Variants in RBFOX1 observed in about 807,000 individuals in gnomAD.
The protein encoded by RBFOX1 is RNA binding fox-1 homolog 1, also known as RNA binding protein fox-1 homolog 1.
Under a neutral mutation model 57.7 loss-of-function variants are expected in RBFOX1, and 8 were observed. That is an observed-to-expected ratio of 0.14 (90% CI 0.08 to 0.25). The LOEUF (loss-of-function observed/expected upper bound fraction) is 0.25. Ranked by LOEUF, RBFOX1 falls within the 10% of genes least tolerant of loss-of-function variation. The pLI, the probability that RBFOX1 is intolerant of heterozygous loss-of-function variation, is 1.00. For missense variants in RBFOX1, 611 were observed against 548.5 expected (o/e 1.11, Z -1.14); for synonymous variants, 326 against 222.4 (o/e 1.47, Z -4.15).
chr16:5,643,226 G>A (rs2048938974), intron 3 of RBFOX1, among the ~76,000 whole-genome samples: 1 of 152,208 alleles, frequency 6.6e-6, no homozygotes, highest in African/African-American at 2.4e-5. Flanking sequence ...TGGCACATGG[G>A]CAGGTGAGCC....
rs1015878590 is a variant in RBFOX1 at position 6,097,504 on chromosome 16, A to C, written c.-127+77512A>C. 3.3e-5 allele frequency among the ~76,000 whole-genome samples: 5 copies of C among 152,166 alleles called. No homozygotes were observed. The highest frequency in any genetic ancestry group is 5.9e-5 in the Non-Finnish European group (4 of 68,032). On this transcript the variant is annotated intron_variant, in intron 1 of 15. Transcript: ENST00000550418. The surrounding 1 kb of genome is among the most constrained non-coding windows in gnomAD (Gnocchi z 5.0). ...AGAATCTCTGGTGGCAGGAACCAGC[A>C]ATCTGTGCTTTCAACAAGCTCTCTG...
chr16:6,947,443 C>T (rs755605491), intron 3 of RBFOX1, among the ~76,000 whole-genome samples: 4 of 152,164 alleles, frequency 2.6e-5, no homozygotes, highest in Non-Finnish European at 4.4e-5. Flanking sequence ...CTTCAACTGG[C>T]CGTATTTCAT....
chr16:6,822,300 T>G (rs1028685196), intron 3 of RBFOX1, among the ~76,000 whole-genome samples: 47 of 152,182 alleles, frequency 3.1e-4, no homozygotes, highest in African/African-American at 1.1e-3. Context: ...ACCATTATTC[T>G]TTGTTGGACA....
At chr16:6,969,998 G>T (rs1054783426) in intron 3 of RBFOX1, among the ~76,000 whole-genome samples, 11 of 151,970 alleles carry the variant, frequency 7.2e-5, no homozygotes, top group African/African-American at 2.7e-4. Flanking sequence ...TACAAGCCTG[G>T]GCAGCATAGC....
At chr16:7,694,483 T>C (rs182606812) in intron 14 of RBFOX1, among the ~76,000 whole-genome samples, 1 of 152,346 alleles carries the variant, frequency 6.6e-6, no homozygotes, top group East Asian at 1.9e-4. Context: ...AGCCTCAACC[T>C]TCATAACGGG....
chr16:7,449,058 T>A (rs548349339), intron 4 of RBFOX1, among the ~76,000 whole-genome samples: 32 of 148,292 alleles, frequency 2.2e-4, no homozygotes, highest in Non-Finnish European at 4.0e-4. Flanking sequence ...GTCTCCGGAG[T>A]AGCTGGGATT....
chr16:7,013,313 A>T lies in RBFOX1; in HGVS notation c.-15-38744A>T, dbSNP rs145281487. ...GTAAGGTATGCTAGGAGCTTAACTC[A>T]GTGTTCTGCTCATGTTATACGTGCA... is the stretch of plus-strand genomic sequence containing the variant. On this transcript the variant is annotated intron_variant, in intron 3 of 15. Transcript: ENST00000550418. 2.4e-3 allele frequency among the ~76,000 whole-genome samples: 368 copies of T among 152,292 alleles called. 2 individuals carry two copies. The highest frequency in any genetic ancestry group is 8.6e-3 in the African/African-American group (359 of 41,574).
intron 3 of RBFOX1, among the ~76,000 whole-genome samples, chr16:6,999,462 T>G (rs2092597310): frequency 6.6e-6 from 1 of 151,516 alleles, no homozygotes; most frequent in Non-Finnish European, 1.5e-5. Context: ...TGAGACGGAG[T>G]CTTGCTCTGT....
At position 6,635,083 on chromosome 16, in the gene RBFOX1, A is replaced by G. The variant is rs1489942452; in HGVS notation, c.-63-19520A>G. Among the ~76,000 whole-genome samples, 25 of 51,554 alleles carry G rather than the reference A, an allele frequency of 4.8e-4. No homozygotes were observed. In the East Asian group the frequency reaches 0.026, roughly 53 times the overall value. The allele number at this position is 51,554 out of a possible 152,430, so 33.8% of individuals were successfully genotyped here. ...ATATATGTTATATATTTTAATTTAT[A>G]TATCATATATATTATATATAAAGTA... On this transcript the variant is annotated intron_variant, in intron 2 of 15. Coordinates refer to ENST00000550418, the MANE Select transcript of RBFOX1 (RefSeq NM_018723.4).
intron 2 of RBFOX1, among the ~76,000 whole-genome samples, chr16:6,566,644 C>G (rs760264255): frequency 6.6e-6 from 1 of 152,060 alleles, no homozygotes; most frequent in Non-Finnish European, 1.5e-5. Context: ...CATTTTGACC[C>G]CTTTACGCAC....
At chr16:6,020,043 C>A in intron 1 of RBFOX1, 51 bp downstream of exon 1, 1 of 1,427,792 alleles carries the variant, frequency 7.0e-7, no homozygotes, top group South Asian at 1.4e-5. Flanking sequence ...CCTGGTGGGT[C>A]AGGTCCAGAA....
At chr16:7,247,018 G>T (rs2094329243) in intron 4 of RBFOX1, among the ~76,000 whole-genome samples, 2 of 152,052 alleles carry the variant, frequency 1.3e-5, no homozygotes, top group African/African-American at 4.8e-5. Flanking sequence ...AATCTAATTG[G>T]CAGGTAACAG....
chr16:6,884,167 G>T (rs1282131938), intron 3 of RBFOX1, among the ~76,000 whole-genome samples: 1 of 152,182 alleles, frequency 6.6e-6, no homozygotes, highest in African/African-American at 2.4e-5. Flanking sequence ...AGCTGCTTCC[G>T]AGGCCCCTTC....
At chr16:7,185,851 C>A (rs952486105) in intron 4 of RBFOX1, among the ~76,000 whole-genome samples, 2 of 152,132 alleles carry the variant, frequency 1.3e-5, no homozygotes, top group African/African-American at 4.8e-5. Flanking sequence ...ATTTGGATTC[C>A]ATGGCATTTT....
intron 1 of RBFOX1, among the ~76,000 whole-genome samples, chr16:6,244,622 G>A (rs1029473286): frequency 6.6e-6 from 1 of 152,166 alleles, no homozygotes; most frequent in Non-Finnish European, 1.5e-5. Context: ...CAATTCTCCT[G>A]CCTCAGCCTC....
intron 2 of RBFOX1, among the ~76,000 whole-genome samples, chr16:6,434,276 G>C (rs969083116): frequency 7.9e-5 from 12 of 152,136 alleles, no homozygotes; most frequent in African/African-American, 2.7e-4. Context: ...ACATTCAGAG[G>C]TTCTGGAGAT....
At position 6,575,408 on chromosome 16, in the gene RBFOX1, A is replaced by T. The variant is rs142748689; in HGVS notation, c.-63-79195A>T. ...CTTTAAGCAAAATGACGTGTAACAGAATACCTTTTACCATGAGCTGATTGA... is the reference window on the plus strand; with the variant it reads ...CTTTAAGCAAAATGACGTGTAACAGTATACCTTTTACCATGAGCTGATTGA... On this transcript the variant is annotated intron_variant, in intron 2 of 15. Transcript: ENST00000550418. 9.9e-4 allele frequency among the ~76,000 whole-genome samples: 151 copies of T among 152,304 alleles called. 1 individual carries two copies. The highest frequency in any genetic ancestry group is 3.4e-3 in the African/African-American group (140 of 41,568).
Position 5,690,074 on chromosome 16 carries a change from G to C in RBFOX1, c.318+91113G>C, listed in dbSNP as rs558349706. Among the ~76,000 whole-genome samples, 3 of 152,326 alleles carry C rather than the reference G, an allele frequency of 2.0e-5. No individual in the cohort carries two copies. In the East Asian group the frequency reaches 5.8e-4, roughly 29 times the overall value. The stretch of plus-strand genomic sequence containing the variant: ...GAAGGAGAGCTGGACAGTGGTCAGG[G>C]AGAGAGGAGTACGGCCTGAGAGGCC... On this transcript the variant is annotated intron_variant, in intron 3 of 19. Transcript: ENST00000641259.
At chr16:7,456,308 T>A (rs2150366964) in intron 4 of RBFOX1, among the ~76,000 whole-genome samples, 1 of 152,348 alleles carries the variant, frequency 6.6e-6, no homozygotes, top group Non-Finnish European at 1.5e-5. Context: ...GGTTCATTCT[T>A]CAAGCTGTGT....
Sources: allele counts gnomAD v4.1 joint callset (sites outside exome capture counted in the v4.1 genomes callset), GRCh38; gene constraint gnomAD v4.1.1; non-coding constraint Gnocchi (gnomAD v3.1); transcripts MANE v1.5; gene names NCBI Gene and HGNC (gene_info 2026-07-23, HGNC 2026-07-21).